TAF4B: variants seen among roughly 807,000 people sequenced by gnomAD.
The protein encoded by TAF4B is transcription initiation factor TFIID subunit 4B.
Under a neutral mutation model 86.4 loss-of-function variants are expected in TAF4B, and 38 were observed. The ratio of observed to expected loss-of-function variants is 0.44; its 90% CI spans 0.34 to 0.58. TAF4B has a LOEUF of 0.58. Ranked by LOEUF, TAF4B falls within the 20% of genes least tolerant of loss-of-function variation. The pLI is 0.02. For synonymous variants in TAF4B, 388 were observed against 391.2 expected (o/e 0.99, Z 0.10); for missense variants, 988 against 1,027.6 (o/e 0.96, Z 0.53).
At chr18:26,343,995 T>C (rs2057156594) in intron 13 of TAF4B, among the ~76,000 whole-genome samples, 1 of 152,148 alleles carries the variant, frequency 6.6e-6, no homozygotes. Flanking sequence ...AACACACTAC[T>C]ATAAAAATGC....
intron 1 of TAF4B, among the ~76,000 whole-genome samples, chr18:26,238,187 T>A (rs1407450623): frequency 6.6e-6 from 1 of 152,144 alleles, no homozygotes; most frequent in Non-Finnish European, 1.5e-5. Context: ...ATTGACACAT[T>A]TTCGAAAACC....
At chr18:26,232,511 A>C (rs896920122) in intron 1 of TAF4B, among the ~76,000 whole-genome samples, 2 of 152,224 alleles carry the variant, frequency 1.3e-5, no homozygotes, top group African/African-American at 4.8e-5. Flanking sequence ...CAGGGCCTGA[A>C]GGCGAGTAAT....
At chr18:26,315,837 A>T (rs2056905435) in intron 10 of TAF4B, among the ~76,000 whole-genome samples, 1 of 152,158 alleles carries the variant, frequency 6.6e-6, no homozygotes. Flanking sequence ...ACTTTAAAAA[A>T]CTAGATTAGA....
chr18:26,315,161 T>TCTCTCACACACACACACCCACA (rs1282068871), intron 9 of TAF4B, 68 bp from the exon 10 acceptor site: 1 of 210,592 alleles, frequency 4.7e-6, no homozygotes, highest in Non-Finnish European at 7.2e-6. Flanking sequence ...TCTCTCTCTC[T>TCTCTCACACACACACACCCACA]CACACACACA....
intron 14 of TAF4B, among the ~76,000 whole-genome samples, chr18:26,358,313 T>G (rs550898911): frequency 6.6e-6 from 1 of 152,236 alleles, no homozygotes; most frequent in African/African-American, 2.4e-5. Context: ...AATAGTCTTT[T>G]GTATTCCCCC....
At chr18:26,323,342 A>G (rs1457980834) in intron 11 of TAF4B, among the ~76,000 whole-genome samples, 2 of 151,710 alleles carry the variant, frequency 1.3e-5, no homozygotes, top group African/African-American at 2.4e-5. Flanking sequence ...GTGGAGCTCT[A>G]TTTTTCTTTT....
chr18:26,243,332 T>C (rs887300550), intron 1 of TAF4B, among the ~76,000 whole-genome samples: 2 of 152,236 alleles, frequency 1.3e-5, no homozygotes, highest in African/African-American at 4.8e-5. Flanking sequence ...ATTTAATTCA[T>C]TTGATCTTCA....
chr18:26,229,589 G>T (rs986241758), intron 1 of TAF4B, among the ~76,000 whole-genome samples: 1 of 146,222 alleles, frequency 6.8e-6, no homozygotes, highest in Non-Finnish European at 1.5e-5. Flanking sequence ...TGCAACCTCC[G>T]CCTCCCGGGT....
chr18:26,226,767 C>G lies in TAF4B; in HGVS notation c.-167C>G, dbSNP rs955601686. On this transcript the variant is annotated 5_prime_UTR_variant, in exon 1 of 15. Coordinates refer to ENST00000269142, the MANE Select transcript of TAF4B (RefSeq NM_005640.3). ...GAAGGTCCGGGACGCGCGTGTCCTG[C>G]CGTGCAGCGGGCGCCCGTCACTGAC... is the stretch of plus-strand genomic sequence containing the variant. 1 of 508,374 alleles carries G rather than the reference C, an allele frequency of 2.0e-6. No homozygotes were observed. The highest frequency in any genetic ancestry group is 3.2e-6 in the Non-Finnish European group (1 of 309,804). The allele number at this position is 508,374 out of a possible 1,614,324, so 31.5% of individuals were successfully genotyped here.
intron 13 of TAF4B, among the ~76,000 whole-genome samples, chr18:26,346,877 GTATATATATATA>G (rs1220239621): frequency 0.012 from 81 of 6,588 alleles, 1 homozygote; most frequent in African/African-American, 0.023. Flanking sequence ...ATATATATGT[GTATATATATATA>G]TATATATATA....
chr18:26,282,561 A>T (rs1406696225), intron 6 of TAF4B, among the ~76,000 whole-genome samples: 1 of 152,218 alleles, frequency 6.6e-6, no homozygotes, highest in Non-Finnish European at 1.5e-5. Flanking sequence ...AATATTTTTG[A>T]TGGTAAAGAG....
At chr18:26,386,219 A>C (rs909976080) in intron 14 of TAF4B, among the ~76,000 whole-genome samples, 1 of 152,044 alleles carries the variant, frequency 6.6e-6, no homozygotes, top group Non-Finnish European at 1.5e-5. Context: ...GGCAGCTGTA[A>C]TATGGCTCTT....
intron 13 of TAF4B, among the ~76,000 whole-genome samples, chr18:26,354,920 A>G (rs2057275222): frequency 6.6e-6 from 1 of 152,240 alleles, no homozygotes. Flanking sequence ...CTTTAGAATC[A>G]ACTTATCCAT....
intron 9 of TAF4B, among the ~76,000 whole-genome samples, chr18:26,310,752 C>G (rs2056846240): frequency 6.6e-6 from 1 of 152,040 alleles, no homozygotes; most frequent in African/African-American, 2.4e-5. Flanking sequence ...ACTTCTTTAT[C>G]CCCCCTATTA....
chr18:26,383,455 T>G (rs1456632035), intron 14 of TAF4B, among the ~76,000 whole-genome samples: 1 of 152,134 alleles, frequency 6.6e-6, no homozygotes, highest in Non-Finnish European at 1.5e-5. Context: ...TTTTCTGGCT[T>G]AGGCATTCCT....
chr18:26,388,814 T>C (rs1013104174), intron 14 of TAF4B, among the ~76,000 whole-genome samples: 1 of 152,138 alleles, frequency 6.6e-6, no homozygotes, highest in Non-Finnish European at 1.5e-5. Context: ...TATTTTTATT[T>C]TTATTATTTT....
At chr18:26,378,263 G>T (rs532381012) in intron 14 of TAF4B, among the ~76,000 whole-genome samples, 3 of 152,122 alleles carry the variant, frequency 2.0e-5, no homozygotes, top group African/African-American at 7.2e-5. Context: ...TATCCCCATT[G>T]AGAAACACTG....
At chr18:26,386,331 C>T (rs1415152396) in intron 14 of TAF4B, among the ~76,000 whole-genome samples, 1 of 151,748 alleles carries the variant, frequency 6.6e-6, no homozygotes, top group Non-Finnish European at 1.5e-5. Flanking sequence ...TTCTGTTTGA[C>T]AATTTTGCCT....
rs1368078663 is a variant in TAF4B at position 26,362,462 on chromosome 18, T to G, written c.2421+4668T>G. On this transcript the variant is annotated intron_variant, in intron 14 of 14. Coordinates refer to ENST00000269142, the MANE Select transcript of TAF4B (RefSeq NM_005640.3). The stretch of plus-strand genomic sequence containing the variant: ...ATCAATTCTTATTCTCCTTTGAATT[T>G]GTCACAAATTTTAGAGAATACTTTC... Among the ~76,000 whole-genome samples the G allele has an allele frequency of 2.0e-5, 3 of 152,206 alleles. No homozygotes were observed. In the East Asian group the frequency reaches 5.8e-4, roughly 29 times the overall value.
Sources: allele counts gnomAD v4.1 joint callset (sites outside exome capture counted in the v4.1 genomes callset), GRCh38; gene constraint gnomAD v4.1.1; transcripts MANE v1.5; gene names NCBI Gene and HGNC (gene_info 2026-07-23, HGNC 2026-07-21).